The following FTO variants were observed in gnomAD, a reference collection of about 807,000 sequenced individuals.
The protein encoded by FTO is FTO alpha-ketoglutarate dependent dioxygenase, also known as alpha-ketoglutarate-dependent dioxygenase FTO.
Under a neutral mutation model 63.9 loss-of-function variants are expected in FTO, and 47 were observed. The ratio of observed to expected loss-of-function variants is 0.74; its 90% CI spans 0.58 to 0.94. The LOEUF (loss-of-function observed/expected upper bound fraction) is 0.94, where lower values mean the gene tolerates loss of function less well. Among genes scored for constraint, FTO ranks in the 40% least tolerant of loss-of-function variants. The pLI is 0.00. For missense variants in FTO, 562 were observed against 618.1 expected (o/e 0.91, Z 0.96); for synonymous variants, 207 against 224.4 (o/e 0.92, Z 0.69).
At chr16:54,098,411 T>G (rs1376752363) in intron 8 of FTO, among the ~76,000 whole-genome samples, 4 of 152,174 alleles carry the variant, frequency 2.6e-5, no homozygotes, top group Non-Finnish European at 5.9e-5. Flanking sequence ...AAAAACCAAT[T>G]AAGCAGGTTA....
chr16:53,997,332 C>G (rs910245326), intron 8 of FTO, among the ~76,000 whole-genome samples: 53 of 151,924 alleles, frequency 3.5e-4, no homozygotes, highest in African/African-American at 1.2e-3. Flanking sequence ...TGAGTCCCTC[C>G]CACAACACAT....
chr16:53,973,142 C>T (rs1387923286), intron 8 of FTO, among the ~76,000 whole-genome samples: 1 of 152,172 alleles, frequency 6.6e-6, no homozygotes, highest in Non-Finnish European at 1.5e-5. Flanking sequence ...CAAAGATCAT[C>T]AGCCATAGAC....
At chr16:53,820,677 G>A (rs1427318844) in intron 2 of FTO, among the ~76,000 whole-genome samples, 10 of 146,498 alleles carry the variant, frequency 6.8e-5, no homozygotes, top group Non-Finnish European at 1.5e-4. Flanking sequence ...CCCTTCCTGT[G>A]TCCATGTGAT....
At chr16:54,090,866 C>T (rs996334649) in intron 8 of FTO, among the ~76,000 whole-genome samples, 1 of 152,168 alleles carries the variant, frequency 6.6e-6, no homozygotes, top group Non-Finnish European at 1.5e-5. Flanking sequence ...TGCTGTGACT[C>T]TGAGATTTCT....
In FTO at chr16:54,117,248, C is replaced by A. The variant is rs1380099792; in HGVS notation, c.*5333C>A. 3.3e-5 allele frequency: 5 copies of A among 152,126 alleles called. No homozygotes were observed. Among genetic ancestry groups the A allele is most frequent in the African/African-American group, 4.8e-5 (2 of 41,408 alleles). 9.4% of individuals were successfully genotyped at this position (152,126 alleles called of 1,614,324 possible). ...GTTGTGAAGGTTCAATAAGTTAATGCGTATTTAAAATGCCTCCCACAGTAC... is the reference window on the plus strand; with the variant it reads ...GTTGTGAAGGTTCAATAAGTTAATGAGTATTTAAAATGCCTCCCACAGTAC... On this transcript the variant is annotated 3_prime_UTR_variant, in exon 9 of 9. Transcript: ENST00000471389.
chr16:54,014,588 A>G (rs570486791), intron 8 of FTO, among the ~76,000 whole-genome samples: 1 of 152,062 alleles, frequency 6.6e-6, no homozygotes, highest in African/African-American at 2.4e-5. Context: ...GTGTTCCTTC[A>G]TAGCAAGGCA....
intron 8 of FTO, among the ~76,000 whole-genome samples, chr16:54,076,381 C>A (rs1432381310): frequency 6.6e-6 from 1 of 152,090 alleles, no homozygotes; most frequent in Non-Finnish European, 1.5e-5. Context: ...TTTTTCAGAG[C>A]AGCACCCTAG....
chr16:53,810,512 C>T (rs905982689), intron 2 of FTO, among the ~76,000 whole-genome samples: 3 of 152,202 alleles, frequency 2.0e-5, no homozygotes, highest in African/African-American at 7.2e-5. Flanking sequence ...TGCTCCTTAT[C>T]CTGTTGCAGA....
Position 54,118,086 on chromosome 16 carries a change from A to G in FTO, c.*6171A>G, listed in dbSNP as rs376566450. On this transcript the variant is annotated 3_prime_UTR_variant, in exon 9 of 9. Coordinates refer to ENST00000471389, the MANE Select transcript of FTO (RefSeq NM_001080432.3). ...AAAATTCATCAATTTTACAAAAGCC[A>G]CTGACTAAACATGGCACCAATACAA... 14 of 152,350 alleles carry G rather than the reference A, an allele frequency of 9.2e-5. No individual in the cohort carries two copies. Among genetic ancestry groups the G allele is most frequent in the African/African-American group, 3.4e-4 (14 of 41,582 alleles). 9.4% of individuals were successfully genotyped at this position (152,350 alleles called of 1,614,324 possible).
intron 4 of FTO, among the ~76,000 whole-genome samples, chr16:53,867,027 C>G (rs1329049106): frequency 6.6e-6 from 1 of 152,074 alleles, no homozygotes; most frequent in Admixed American, 6.5e-5. Flanking sequence ...GCATTTAATG[C>G]TATAAATTCT....
intron 1 of FTO, among the ~76,000 whole-genome samples, chr16:53,796,813 T>C (rs186564772): frequency 1.4e-4 from 22 of 152,336 alleles, no homozygotes; most frequent in Non-Finnish European, 2.1e-4. Context: ...GTATAATTGA[T>C]ATAGAATAAA....
At chr16:54,059,610 T>C (rs1018406976) in intron 8 of FTO, among the ~76,000 whole-genome samples, 1 of 152,198 alleles carries the variant, frequency 6.6e-6, no homozygotes, top group Non-Finnish European at 1.5e-5. Context: ...GCTGCTCCAG[T>C]GGGGCCCATC....
chr16:53,711,901 A>C (rs1220737973), intron 1 of FTO, among the ~76,000 whole-genome samples: 1 of 152,206 alleles, frequency 6.6e-6, no homozygotes, highest in African/African-American at 2.4e-5. Flanking sequence ...TGTCTTATCA[A>C]CTTTAAATGA....
chr16:54,049,781 C>T (rs887959239), intron 8 of FTO, among the ~76,000 whole-genome samples: 6 of 152,146 alleles, frequency 3.9e-5, no homozygotes, highest in Non-Finnish European at 4.4e-5. Flanking sequence ...CTGAGATGCC[C>T]ATTCATGGGC....
At chr16:53,990,536 G>A (rs1304269037) in intron 8 of FTO, among the ~76,000 whole-genome samples, 1 of 152,128 alleles carries the variant, frequency 6.6e-6, no homozygotes, top group Non-Finnish European at 1.5e-5. Context: ...TCCCATAAAG[G>A]CTGGATGTAG....
intron 4 of FTO, among the ~76,000 whole-genome samples, chr16:53,860,030 A>G (rs2080124975): frequency 6.6e-6 from 1 of 152,256 alleles, no homozygotes; most frequent in Non-Finnish European, 1.5e-5. Flanking sequence ...TGATTTAGAA[A>G]CAACCTAAAT....
intron 7 of FTO, among the ~76,000 whole-genome samples, chr16:53,927,359 C>G (rs1354514903): frequency 6.6e-6 from 1 of 152,102 alleles, no homozygotes; most frequent in East Asian, 1.9e-4. Flanking sequence ...GTGCAGTCAC[C>G]ACTCTAGGGA....
At chr16:54,085,433 T>G (rs549749618) in intron 8 of FTO, among the ~76,000 whole-genome samples, 1 of 152,312 alleles carries the variant, frequency 6.6e-6, no homozygotes, top group East Asian at 1.9e-4. Flanking sequence ...ATTTTTATTT[T>G]TTAGTTTATT....
intron 8 of FTO, among the ~76,000 whole-genome samples, chr16:54,066,374 G>A (rs555074401): frequency 1.3e-5 from 2 of 152,148 alleles, no homozygotes; most frequent in Non-Finnish European, 2.9e-5. Context: ...CTTTTAGACC[G>A]ACACCCTTTC....
Sources: gnomAD v4.1 joint callset for allele counts (sites outside exome capture counted in the v4.1 genomes callset) on GRCh38, gnomAD v4.1.1 for gene constraint, MANE v1.5 for transcripts, NCBI Gene and HGNC (gene_info 2026-07-23, HGNC 2026-07-21) for gene names.